Variants in AHRR observed in about 807,000 individuals in gnomAD.
The protein encoded by AHRR is aryl hydrocarbon receptor repressor, also known as ahR repressor.
In AHRR, 28 loss-of-function variants were observed where a neutral mutation model predicts 44.0. The observed-to-expected ratio is 0.64, with a 90% CI of 0.47 to 0.87. AHRR has a LOEUF of 0.87. Ranked by LOEUF, AHRR falls within the 40% of genes least tolerant of loss-of-function variation. The pLI is 0.00. For synonymous variants in AHRR, 434 were observed against 407.0 expected (o/e 1.07, Z -0.80); for missense variants, 990 against 953.9 (o/e 1.04, Z -0.50).
intron 5 of AHRR, among the ~76,000 whole-genome samples, chr5:415,179 G>A (rs1001503370): frequency 1.2e-4 from 18 of 152,382 alleles, no homozygotes; most frequent in Middle Eastern, 3.4e-3. Context: ...GGTGCACACC[G>A]GCCCCAGGGG....
chr5:399,373 G>A (rs994729975), intron 4 of AHRR, among the ~76,000 whole-genome samples: 9 of 152,238 alleles, frequency 5.9e-5, no homozygotes, highest in African/African-American at 1.2e-4. Flanking sequence ...TGTGAAGTGC[G>A]TTTCACACTC....
chr5:421,109 G>A (rs1736089269), intron 5 of AHRR: 1 of 549,466 alleles, frequency 1.8e-6, no homozygotes, highest in South Asian at 2.1e-5. Flanking sequence ...AGAAGGTGCA[G>A]CGGCTGGAGC....
At chr5:413,268 A>T in intron 4 of AHRR, 76 bp from the exon 5 acceptor site, 1 of 1,064,864 alleles carries the variant, frequency 9.4e-7, no homozygotes, top group Non-Finnish European at 1.4e-6. Context: ...TTGAAAATTT[A>T]AGCAAAGGAT....
chr5:376,586 A>C (rs771583884), intron 3 of AHRR, 24 bp from the exon 4 acceptor site: 4 of 512,014 alleles, frequency 7.8e-6, no homozygotes, highest in South Asian at 8.5e-5. Flanking sequence ...GGGGGTGCCT[A>C]ATGTGTCTTT....
Position 419,546 on chromosome 5 carries a change from C to T in AHRR, c.442-3183C>T, listed in dbSNP as rs10039205. 1.4e-3 allele frequency among the ~76,000 whole-genome samples: 220 copies of T among 152,244 alleles called. No homozygotes were observed. The highest frequency in any genetic ancestry group is 4.9e-3 in the African/African-American group (205 of 41,552). ...CAAGTGTAAGGGGAATGTTGCTTGC[C>T]TCTGGATGCTGGTTCCTCTGCGTTT... On this transcript the variant is annotated intron_variant, in intron 5 of 10. Transcript: ENST00000684583. This position sits in a 1 kb window ranked among gnomAD's most constrained non-coding sequence, Gnocchi z 4.4.
rs553805265 is a variant in AHRR at position 387,856 on chromosome 5, A to T, written c.351+11140A>T. Among the ~76,000 whole-genome samples the T allele has an allele frequency of 4.1e-4, 62 of 152,338 alleles. No homozygotes were observed. The highest frequency in any genetic ancestry group is 1.4e-3 in the African/African-American group (57 of 41,582). On this transcript the variant is annotated intron_variant, in intron 4 of 10. Coordinates refer to ENST00000684583, the MANE Select transcript of AHRR (RefSeq NM_001377236.1). The surrounding 1 kb of genome is among the most constrained non-coding windows in gnomAD (Gnocchi z 5.1). ...TATTCTTCACAGCCTGGAGGCCAGG[A>T]GCCAAAACCAGCGCCGATGGGCTGC...
chr5:373,847 C>T (rs1290211363), intron 3 of AHRR, among the ~76,000 whole-genome samples: 1 of 150,478 alleles, frequency 6.6e-6, no homozygotes, highest in South Asian at 2.1e-4. Context: ...CCTGCCCGGG[C>T]GGGCGGGGGC....
intron 8 of AHRR, among the ~76,000 whole-genome samples, chr5:430,244 C>T (rs768208118): frequency 2.0e-5 from 3 of 152,238 alleles, no homozygotes; most frequent in South Asian, 2.1e-4. Flanking sequence ...TCCAGGCTCC[C>T]GAACTAGTTT....
chr5:419,597 C>T lies in AHRR; in HGVS notation c.442-3132C>T, dbSNP rs945075852. On this transcript the variant is annotated intron_variant, in intron 5 of 10. Coordinates refer to ENST00000684583, the MANE Select transcript of AHRR (RefSeq NM_001377236.1). The surrounding 1 kb of genome is among the most constrained non-coding windows in gnomAD (Gnocchi z 4.4). ...CACTTCTAAAAAACTGGCCCTAAAACGTGTCAAGAGCTCGCACAGGAGTGT... is the reference window on the plus strand; with the variant it reads ...CACTTCTAAAAAACTGGCCCTAAAATGTGTCAAGAGCTCGCACAGGAGTGT... 7.9e-5 allele frequency among the ~76,000 whole-genome samples: 12 copies of T among 152,162 alleles called. No homozygotes were observed. The highest frequency in any genetic ancestry group is 1.0e-4 in the Non-Finnish European group (7 of 68,046).
chr5:355,676 C>T (rs1743014204), intron 3 of AHRR, among the ~76,000 whole-genome samples: 2 of 152,236 alleles, frequency 1.3e-5, no homozygotes, highest in Admixed American at 6.5e-5. Context: ...AAACTGCCAG[C>T]GAGTGAGCTT....
At chr5:333,219 T>G (rs553572082) in intron 1 of AHRR, among the ~76,000 whole-genome samples, 1 of 152,296 alleles carries the variant, frequency 6.6e-6, no homozygotes, top group East Asian at 1.9e-4. Context: ...ATGTGTGCCT[T>G]TAGTGGTAAA....
At chr5:385,107 C>T (rs1295663619) in intron 4 of AHRR, among the ~76,000 whole-genome samples, 6 of 152,038 alleles carry the variant, frequency 3.9e-5, no homozygotes, top group Non-Finnish European at 7.4e-5. Context: ...CAAAAACAAA[C>T]AAACAAACAA....
intron 4 of AHRR, among the ~76,000 whole-genome samples, chr5:385,746 G>A (rs116508947): frequency 0.057 from 8,677 of 152,152 alleles, 379 homozygotes; most frequent in Non-Finnish European, 0.077. Flanking sequence ...TTTAGGGTTC[G>A]CTGATCTTCT....
At chr5:363,298 G>A (rs1003191188) in intron 3 of AHRR, among the ~76,000 whole-genome samples, 20 of 152,200 alleles carry the variant, frequency 1.3e-4, no homozygotes, top group African/African-American at 4.6e-4. Context: ...AAATCCAGAG[G>A]GCTCTGGGGG....
chr5:324,013 T>TTCTTTCTTTCTTTC (rs1553975183), intron 1 of AHRR, among the ~76,000 whole-genome samples: 20 of 138,392 alleles, frequency 1.4e-4, no homozygotes, highest in African/African-American at 4.0e-4. Context: ...TTCTCTTTCT[T>TTCTTTCTTTCTTTC]TCTTTCTTTC....
At chr5:375,805 G>A (rs1480549901) in intron 3 of AHRR, among the ~76,000 whole-genome samples, 1 of 152,210 alleles carries the variant, frequency 6.6e-6, no homozygotes, top group Non-Finnish European at 1.5e-5. Flanking sequence ...GTGCCCATGA[G>A]GACACTGAGT....
Position 395,889 on chromosome 5 carries a change from G to T in AHRR, c.352-17455G>T, listed in dbSNP as rs569387508. On this transcript the variant is annotated intron_variant, in intron 4 of 10. Transcript: ENST00000684583. The surrounding 1 kb of genome is among the most constrained non-coding windows in gnomAD (Gnocchi z 5.3). Reference sequence around the variant, plus strand: ...AAGGGATGAGCGTCCCCTTCCTCCAGCTTCCTCCATGCAGTGATGTTGCCT... The same window carrying T: ...AAGGGATGAGCGTCCCCTTCCTCCATCTTCCTCCATGCAGTGATGTTGCCT... 2.3e-4 allele frequency among the ~76,000 whole-genome samples: 35 copies of T among 152,326 alleles called. No individual in the cohort carries two copies. The highest frequency in any genetic ancestry group is 8.4e-4 in the African/African-American group (35 of 41,580).
At chr5:421,576 A>G (rs1173699588) in intron 5 of AHRR, among the ~76,000 whole-genome samples, 1 of 152,254 alleles carries the variant, frequency 6.6e-6, no homozygotes, top group African/African-American at 2.4e-5. Context: ...TTAGGAAGGC[A>G]CCATGGCAGA....
At chr5:322,098 C>A (rs989033957) in intron 1 of AHRR, among the ~76,000 whole-genome samples, 35 of 152,158 alleles carry the variant, frequency 2.3e-4, no homozygotes, top group African/African-American at 8.2e-4. Context: ...AGCCTTCACT[C>A]CCCGGGCGTT....
Sources: gnomAD v4.1 joint callset for allele counts (sites outside exome capture counted in the v4.1 genomes callset) on GRCh38, gnomAD v4.1.1 for gene constraint, Gnocchi (gnomAD v3.1) non-coding constraint, MANE v1.5 for transcripts, NCBI Gene and HGNC (gene_info 2026-07-23, HGNC 2026-07-21) for gene names.